The following ASTN2 variants were observed in gnomAD, a reference collection of about 807,000 sequenced individuals.
ASTN2 encodes the protein astrotactin-2.
In ASTN2, 54 loss-of-function variants were observed where a neutral mutation model predicts 139.8. The observed-to-expected ratio is 0.39, with a 90% confidence interval of 0.31 to 0.48. The LOEUF is 0.48. ASTN2 is among the 20% of genes least tolerant of loss of function. The pLI is 0.95. For synonymous variants in ASTN2, 756 were observed against 719.5 expected (o/e 1.05, Z -0.81); for missense variants, 1,565 against 1,725.1 (o/e 0.91, Z 1.64).
chr9:116,735,476 G>C (rs965569834), intron 13 of ASTN2, among the ~76,000 whole-genome samples: 1 of 152,198 alleles, frequency 6.6e-6, no homozygotes, highest in African/African-American at 2.4e-5. Context: ...AGGATGGAGG[G>C]GTAGTCCATG....
chr9:116,525,670 A>C (rs1418573989), intron 19 of ASTN2, among the ~76,000 whole-genome samples: 3 of 152,198 alleles, frequency 2.0e-5, no homozygotes, highest in Non-Finnish European at 4.4e-5. Context: ...ACCTGCCTTC[A>C]ATAGCAGTGG....
intron 2 of ASTN2, among the ~76,000 whole-genome samples, chr9:117,215,419 G>A (rs1370059058): frequency 1.3e-5 from 2 of 150,344 alleles, no homozygotes; most frequent in Non-Finnish European, 2.9e-5. Context: ...ATGAGTGAAT[G>A]AAAATGTACC....
At chr9:116,684,773 T>G (rs1860097570) in intron 16 of ASTN2, among the ~76,000 whole-genome samples, 1 of 152,178 alleles carries the variant, frequency 6.6e-6, no homozygotes, top group South Asian at 2.1e-4. Flanking sequence ...TACCCTACAC[T>G]TTAAGATTAA....
chr9:116,727,602 A>G (rs953224949), intron 15 of ASTN2, among the ~76,000 whole-genome samples: 3 of 152,174 alleles, frequency 2.0e-5, no homozygotes, highest in Admixed American at 1.3e-4. Flanking sequence ...CTGTTAAGTA[A>G]TACAACTGGG....
At chr9:116,930,134 A>C (rs60055315) in intron 10 of ASTN2, among the ~76,000 whole-genome samples, 4,528 of 152,296 alleles carry the variant, frequency 0.03, 239 homozygotes, top group African/African-American at 0.1. Context: ...GCAGTGGAAC[A>C]GAGGTGAGGA....
Position 116,777,577 on chromosome 9 carries a change from C to T in ASTN2, c.2396+28055G>A, listed in dbSNP as rs185145260. ...GTGGCATGTGAGGCGGGGTGGGAGA[C>T]AGTTGTTAAATCACTGATTACTGGG... On this transcript the variant is annotated intron_variant, in intron 13 of 22. Transcript: ENST00000313400. 3.3e-5 allele frequency among the ~76,000 whole-genome samples: 5 copies of T among 152,154 alleles called. No individual in the cohort carries two copies. In the East Asian group the frequency reaches 9.7e-4, roughly 30 times the overall value.
At chr9:116,967,678 G>A (rs1836054212) in intron 10 of ASTN2, among the ~76,000 whole-genome samples, 1 of 152,170 alleles carries the variant, frequency 6.6e-6, no homozygotes, top group South Asian at 2.1e-4. Context: ...CCTCCAACAG[G>A]ACAGAGATAT....
chr9:116,634,160 G>T lies in ASTN2; in HGVS notation c.3073-13717C>A, dbSNP rs888332506. Among the ~76,000 whole-genome samples the T allele has an allele frequency of 4.6e-5, 7 of 152,114 alleles. 1 individual carries two copies. In the South Asian group the frequency reaches 1.4e-3, roughly 31 times the overall value. On this transcript the variant is annotated intron_variant, in intron 17 of 22. Transcript: ENST00000313400. Reference sequence around the variant, plus strand: ...TATATACTAAGATCTACCTCAATTAGAAATGTACAAGGATCATGTATAAAG... The same window carrying T: ...TATATACTAAGATCTACCTCAATTATAAATGTACAAGGATCATGTATAAAG...
At chr9:117,002,387 A>T (rs1837215693) in intron 7 of ASTN2, among the ~76,000 whole-genome samples, 1 of 152,214 alleles carries the variant, frequency 6.6e-6, no homozygotes, top group South Asian at 2.1e-4. Flanking sequence ...AGACGAGTTG[A>T]ACTCTAGTCA....
At chr9:117,329,944 A>T (rs535724800) in intron 1 of ASTN2, among the ~76,000 whole-genome samples, 1 of 152,290 alleles carries the variant, frequency 6.6e-6, no homozygotes, top group Admixed American at 6.5e-5. Context: ...TGAAATGGGA[A>T]CTGTTATCGT....
chr9:116,812,794 G>A (rs939554046), intron 12 of ASTN2, among the ~76,000 whole-genome samples: 1 of 152,110 alleles, frequency 6.6e-6, no homozygotes, highest in Non-Finnish European at 1.5e-5. Flanking sequence ...GTGAGTGTGT[G>A]TGTACGACTT....
At chr9:116,583,728 C>T (rs1854039996) in intron 19 of ASTN2, 1 of 152,162 alleles carries the variant, frequency 6.6e-6, no homozygotes, top group Non-Finnish European at 1.5e-5. Flanking sequence ...CACCCACTCA[C>T]ACACCTTGAG....
rs535452679 is a variant in ASTN2, at chr9:116,729,326, T to C, written c.2522-230A>G. On this transcript the variant is annotated intron_variant, in intron 14 of 22. Transcript: ENST00000313400. ...TATAGCTTGCAAGTCCCCTTTACCC[T>C]ACAAGCAAGAGCAACCTCAGGTCAG... is the stretch of plus-strand genomic sequence containing the variant. Among the ~76,000 whole-genome samples the C allele has an allele frequency of 2.0e-5, 3 of 152,278 alleles. No homozygotes were observed. In the East Asian group the frequency reaches 5.8e-4, roughly 29 times the overall value.
intron 19 of ASTN2, among the ~76,000 whole-genome samples, chr9:116,513,946 C>A (rs955990840): frequency 1.3e-5 from 2 of 151,884 alleles, no homozygotes; most frequent in South Asian, 4.2e-4. Context: ...TGGGTTCGAA[C>A]TTCCTCCTTT....
At chr9:116,799,918 G>A (rs1410580939) in intron 13 of ASTN2, among the ~76,000 whole-genome samples, 1 of 152,104 alleles carries the variant, frequency 6.6e-6, no homozygotes, top group Non-Finnish European at 1.5e-5. Flanking sequence ...TAATGGATTT[G>A]GGGGCAATTT....
intron 16 of ASTN2, chr9:116,697,611 T>G: frequency 1.7e-6 from 2 of 1,174,962 alleles, no homozygotes; most frequent in South Asian, 2.7e-5. Context: ...CTTGAGTGAA[T>G]TTATTTATAT....
intron 4 of ASTN2, among the ~76,000 whole-genome samples, chr9:117,134,875 G>A (rs79040255): frequency 0.011 from 1,671 of 152,252 alleles, 14 homozygotes; most frequent in Non-Finnish European, 0.015. Context: ...ATTGAGAGTG[G>A]ATGTCTTAAA....
At chr9:117,154,118 G>A (rs377429727) in intron 3 of ASTN2, among the ~76,000 whole-genome samples, 8 of 152,052 alleles carry the variant, frequency 5.3e-5, no homozygotes, top group Non-Finnish European at 8.8e-5. Flanking sequence ...CAACTATAAC[G>A]AATGGCAGGG....
At chr9:117,133,334 A>G (rs1255288705) in intron 4 of ASTN2, among the ~76,000 whole-genome samples, 1 of 152,176 alleles carries the variant, frequency 6.6e-6, no homozygotes, top group Non-Finnish European at 1.5e-5. Flanking sequence ...AGATTAGGTA[A>G]TGGAGATTTG....
Sources: allele counts gnomAD v4.1 joint callset (sites outside exome capture counted in the v4.1 genomes callset), GRCh38; gene constraint gnomAD v4.1.1; transcripts MANE v1.5; gene names NCBI Gene and HGNC (gene_info 2026-07-23, HGNC 2026-07-21).